LNPEP: variants seen among roughly 807,000 people sequenced by gnomAD.
LNPEP encodes leucyl-cystinyl aminopeptidase.
LNPEP carries 64 observed loss-of-function variants against 120.6 expected under a neutral mutation model. That is an observed-to-expected ratio of 0.53 (90% CI 0.43 to 0.65). The LOEUF is 0.65. Ranked by LOEUF, LNPEP falls within the 30% of genes least tolerant of loss-of-function variation. The pLI is 0.00. For missense variants in LNPEP, 1,057 were observed against 1,200.0 expected (o/e 0.88, Z 1.76); for synonymous variants, 435 against 425.4 (o/e 1.02, Z -0.28).
At chr5:97,003,280 C>T (rs1790696477) in intron 8 of LNPEP, 135 bp from the exon 9 acceptor site, 1 of 546,392 alleles carries the variant, frequency 1.8e-6, no homozygotes, top group Non-Finnish European at 3.2e-6. Context: ...GACTAAGTAG[C>T]AGTATATTAT....
intron 4 of LNPEP, among the ~76,000 whole-genome samples, chr5:96,991,322 AGTAGTGG>A (rs1790384748): frequency 6.6e-6 from 1 of 152,148 alleles, no homozygotes; most frequent in Non-Finnish European, 1.5e-5. Context: ...GATCAATCCC[AGTAGTGG>A]GACTGACAAA....
chr5:97,025,153 T>C (rs1004060282), intron 15 of LNPEP, among the ~76,000 whole-genome samples: 13 of 152,160 alleles, frequency 8.5e-5, no homozygotes, highest in South Asian at 2.1e-4. Flanking sequence ...AGGAGTGTCA[T>C]ATGGATGAAG....
chr5:97,004,552 G>A (rs981876856), intron 9 of LNPEP, among the ~76,000 whole-genome samples: 5 of 151,786 alleles, frequency 3.3e-5, no homozygotes, highest in Admixed American at 1.3e-4. Flanking sequence ...GACTTATTTG[G>A]AAATTTGATG....
At chr5:96,993,220 C>A in intron 5 of LNPEP, 85 bp downstream of exon 5, 3 of 1,037,610 alleles carry the variant, frequency 2.9e-6, no homozygotes, top group Non-Finnish European at 2.7e-6. Context: ...AGGTTCTGCC[C>A]AAGTTGTTTG....
intron 2 of LNPEP, among the ~76,000 whole-genome samples, chr5:96,984,242 A>G (rs1343088422): frequency 6.6e-6 from 1 of 152,198 alleles, no homozygotes; most frequent in Non-Finnish European, 1.5e-5. Context: ...CAAAATTACA[A>G]AGTTTTCCAG....
chr5:97,028,533 G>C lies in LNPEP; in HGVS notation c.3078G>C (p.Ter1026TyrextTer82). The change falls in exon 18 of 18, where the codon TAG becomes TAC. Residue 1026 changes from the stop codon to tyrosine (Y), a stop_lost. Transcript: ENST00000231368. ...TCAAAAGTCTCACATGGTGGCTGTA[G>C]CATGCACAACCGCACCTCATTTTGT... ...KNLKSLTWWL[*>Y] The C allele has an allele frequency of 6.2e-7, 1 of 1,613,566 alleles. No individual in the cohort carries two copies. Among genetic ancestry groups the C allele is most frequent in the Non-Finnish European group, 8.5e-7 (1 of 1,179,600 alleles).
Position 96,958,451 on chromosome 5 carries a change from G to T in LNPEP, c.20-20687G>T, listed in dbSNP as rs188559907. 5.1e-6 allele frequency: 5 copies of T among 985,384 alleles called. No individual in the cohort carries two copies. In the East Asian group the frequency reaches 4.5e-4, roughly 88 times the overall value. The allele number at this position is 985,384 out of a possible 1,614,324, so 61.0% of individuals were successfully genotyped here. On this transcript the variant is annotated intron_variant, in intron 1 of 17. Transcript: ENST00000231368. ...AAATGCCACAGCTGAACTTGGGCAA[G>T]CTCCTAACTCCACTAAGTACAGAAG...
rs868040302 is a variant in LNPEP at position 96,951,556 on chromosome 5, C to G, written c.19+15382C>G. 9.9e-5 allele frequency among the ~76,000 whole-genome samples: 15 copies of G among 150,972 alleles called. No individual in the cohort carries two copies. The South Asian group carries it at 2.8e-3, about 28-fold the overall frequency. ...TACAGGCGTGAGCCACCGCACCTGG[C>G]GGGGGGTTAGTGCTTTAATATGTGA... On this transcript the variant is annotated intron_variant, in intron 1 of 17. Coordinates refer to ENST00000231368, the MANE Select transcript of LNPEP (RefSeq NM_005575.3).
chr5:96,957,551 G>A (rs918892085), intron 1 of LNPEP, among the ~76,000 whole-genome samples: 14 of 152,176 alleles, frequency 9.2e-5, no homozygotes, highest in African/African-American at 3.4e-4. Context: ...AAGTGAGAAA[G>A]TGAGGCAGAA....
intron 1 of LNPEP, among the ~76,000 whole-genome samples, chr5:96,974,419 C>T (rs1789941132): frequency 6.6e-6 from 1 of 152,120 alleles, no homozygotes; most frequent in Non-Finnish European, 1.5e-5. Flanking sequence ...GTACACTCTC[C>T]CTGTCCCTCT....
chr5:96,989,388 A>AT (rs1561443292), intron 4 of LNPEP, among the ~76,000 whole-genome samples: 3 of 23,168 alleles, frequency 1.3e-4, no homozygotes, highest in African/African-American at 4.8e-4. Flanking sequence ...TATATTATAT[A>AT]CAATATATTA....
chr5:96,971,366 T>C (rs1333287022), intron 1 of LNPEP, among the ~76,000 whole-genome samples: 1 of 151,736 alleles, frequency 6.6e-6, no homozygotes, highest in African/African-American at 2.4e-5. Context: ...TGTGTGTGTG[T>C]GTGTGTGTGT....
At chr5:96,955,292 G>A (rs1789436194) in intron 1 of LNPEP, among the ~76,000 whole-genome samples, 1 of 151,882 alleles carries the variant, frequency 6.6e-6, no homozygotes, top group African/African-American at 2.4e-5. Context: ...TGACTTCTTT[G>A]ACTCAGCATA....
chr5:96,954,759 TA>T lies in LNPEP; in HGVS notation c.19+18586del, dbSNP rs2112571940. On this transcript the variant is annotated intron_variant, in intron 1 of 17. Coordinates refer to ENST00000231368, the MANE Select transcript of LNPEP (RefSeq NM_005575.3). ...ACATATATATATACACATATATATA[TA>T]TATATATATATATTTTTTTTTTTTT... 6.5e-5 allele frequency among the ~76,000 whole-genome samples: 3 copies of T among 46,448 alleles called. 1 individual carries two copies. The East Asian group carries it at 9.2e-4, about 14-fold the overall frequency. The allele number at this position is 46,448 out of a possible 152,430, so 30.5% of individuals were successfully genotyped here.
chr5:97,030,014 C>T lies in LNPEP; in HGVS notation c.*1481C>T, dbSNP rs1170272213. ...AAGGGTATTTACCCATTTGTGAGCA[C>T]TTAAAACACTCCACAGAGTCAGACA... On this transcript the variant is annotated 3_prime_UTR_variant, in exon 18 of 18. Coordinates refer to ENST00000231368, the MANE Select transcript of LNPEP (RefSeq NM_005575.3). 3.3e-5 allele frequency: 5 copies of T among 152,068 alleles called. No homozygotes were observed. The East Asian group carries it at 9.6e-4, about 29-fold the overall frequency. 9.4% of individuals were successfully genotyped at this position (152,068 alleles called of 1,614,324 possible).
chr5:96,983,751 A>T (rs1412039875), intron 2 of LNPEP, among the ~76,000 whole-genome samples: 1 of 152,138 alleles, frequency 6.6e-6, no homozygotes, highest in Non-Finnish European at 1.5e-5. Context: ...CTGGACTGTA[A>T]TTGAGGATTT....
At position 97,024,573 on chromosome 5, in the gene LNPEP, A is replaced by C. The variant is rs1236530984; in HGVS notation, c.2614A>C (p.Lys872Gln). Residue 872 changes from lysine (K) to glutamine (Q), a missense_variant, in exon 15 of 18, where the codon AAA (lysine) becomes CAA (glutamine). Transcript: ENST00000231368. ...TVFKVGAKTD[K>Q]GWSFLLGKYI... is the part of the protein sequence containing the mutation. ...GTTCAAAGTTGGAGCAAAAACTGAC[A>C]AAGGCTGGTCATTCCTTTTGGGCAA... is the stretch of plus-strand genomic sequence containing the variant. The C allele has an allele frequency of 1.2e-6, 2 of 1,614,034 alleles. No homozygotes were observed. The highest frequency in any genetic ancestry group is 1.7e-6 in the Non-Finnish European group (2 of 1,179,976).
intron 1 of LNPEP, among the ~76,000 whole-genome samples, chr5:96,970,064 T>C (rs1020831244): frequency 3.9e-5 from 6 of 152,004 alleles, no homozygotes; most frequent in Non-Finnish European, 5.9e-5. Context: ...CTAAAAAGCA[T>C]ATTTCAGTCT....
At chr5:96,950,879 T>C (rs148811779) in intron 1 of LNPEP, among the ~76,000 whole-genome samples, 111 of 152,342 alleles carry the variant, frequency 7.3e-4, no homozygotes, top group Non-Finnish European at 7.3e-5. Flanking sequence ...AGAGTAATTA[T>C]ATGGGAACAT....
Sources: allele counts gnomAD v4.1 joint callset (sites outside exome capture counted in the v4.1 genomes callset), GRCh38; gene constraint gnomAD v4.1.1; transcripts MANE v1.5; gene names NCBI Gene and HGNC (gene_info 2026-07-23, HGNC 2026-07-21).